CCSER1: variants seen among roughly 807,000 people sequenced by gnomAD.
The protein encoded by CCSER1 is coiled-coil serine rich protein 1, also known as serine-rich coiled-coil domain-containing protein 1.
A neutral mutation model predicts 82.0 loss-of-function variants in CCSER1; 41 were observed. That is an observed-to-expected ratio of 0.50 (90% CI 0.39 to 0.65). The LOEUF is 0.65. Among genes scored for constraint, CCSER1 ranks in the 30% least tolerant of loss-of-function variants. The pLI is 0.00. For synonymous variants in CCSER1, 414 were observed against 383.9 expected (o/e 1.08, Z -0.92); for missense variants, 1,119 against 1,064.2 (o/e 1.05, Z -0.72).
At chr4:91,432,501 A>C (rs1394171200) in intron 10 of CCSER1, among the ~76,000 whole-genome samples, 1 of 152,168 alleles carries the variant, frequency 6.6e-6, no homozygotes, top group Non-Finnish European at 1.5e-5. Context: ...AACAATTTAC[A>C]ATGTACTAGC....
intron 8 of CCSER1, among the ~76,000 whole-genome samples, chr4:90,920,570 C>T (rs558785418): frequency 3.9e-5 from 6 of 151,962 alleles, no homozygotes; most frequent in African/African-American, 1.2e-4. Context: ...AATAGTAATT[C>T]ATTTTTCTGG....
intron 1 of CCSER1, among the ~76,000 whole-genome samples, chr4:90,232,609 C>A (rs1744833936): frequency 7.3e-6 from 1 of 137,728 alleles, no homozygotes; most frequent in South Asian, 2.6e-4. Context: ...CAAGAAAAGC[C>A]AAAATTGACA....
intron 10 of CCSER1, among the ~76,000 whole-genome samples, chr4:91,595,999 A>G (rs1341186339): frequency 2.6e-5 from 4 of 151,834 alleles, no homozygotes; most frequent in African/African-American, 9.6e-5. Context: ...TGTCAAAAAC[A>G]AACTATGCTA....
intron 10 of CCSER1, among the ~76,000 whole-genome samples, chr4:91,584,482 G>GAT: frequency 6.6e-6 from 1 of 151,392 alleles, no homozygotes; most frequent in East Asian, 1.9e-4. Context: ...CTGTGCAGTA[G>GAT]ATCACTTTTA....
intron 3 of CCSER1, among the ~76,000 whole-genome samples, chr4:90,352,983 G>T (rs201411613): frequency 6.6e-6 from 1 of 151,786 alleles, no homozygotes; most frequent in Admixed American, 6.6e-5. Flanking sequence ...AGCTATTTTA[G>T]GAACTGAGGA....
intron 5 of CCSER1, among the ~76,000 whole-genome samples, chr4:90,585,547 A>G (rs1011064346): frequency 2.6e-5 from 4 of 152,188 alleles, no homozygotes; most frequent in African/African-American, 9.7e-5. Flanking sequence ...AAACCTAGCT[A>G]ATTAATATTA....
At chr4:91,111,198 C>T (rs1484807271) in intron 10 of CCSER1, among the ~76,000 whole-genome samples, 2 of 151,780 alleles carry the variant, frequency 1.3e-5, no homozygotes, top group East Asian at 1.9e-4. Context: ...TTAAATTACC[C>T]GTTATCCTTT....
chr4:90,708,557 TA>T (rs1739859494), intron 6 of CCSER1, among the ~76,000 whole-genome samples: 2 of 152,328 alleles, frequency 1.3e-5, no homozygotes, highest in Admixed American at 1.3e-4. Context: ...TTCTTTGTTT[TA>T]TAATTTTATG....
At chr4:91,059,719 C>G (rs563590565) in intron 9 of CCSER1, among the ~76,000 whole-genome samples, 1 of 151,936 alleles carries the variant, frequency 6.6e-6, no homozygotes, top group African/African-American at 2.4e-5. Context: ...CATGTGACCA[C>G]TTCCTAGTTT....
At chr4:90,168,890 A>G (rs1291649062) in intron 1 of CCSER1, among the ~76,000 whole-genome samples, 1 of 150,592 alleles carries the variant, frequency 6.6e-6, no homozygotes, top group Non-Finnish European at 1.5e-5. Context: ...CTTGTAGTAT[A>G]GTTTGAAGTC....
At chr4:90,517,849 A>G (rs1336883335) in intron 5 of CCSER1, among the ~76,000 whole-genome samples, 1 of 152,108 alleles carries the variant, frequency 6.6e-6, no homozygotes, top group Non-Finnish European at 1.5e-5. Context: ...AATATTTTGA[A>G]TCAGGATCTG....
intron 10 of CCSER1, among the ~76,000 whole-genome samples, chr4:91,135,073 A>C (rs1156249384): frequency 6.6e-6 from 1 of 152,028 alleles, no homozygotes; most frequent in African/African-American, 2.4e-5. Context: ...AAAAAAAAAA[A>C]AACTATTCTT....
At chr4:90,583,170 TG>T (rs1327478626) in intron 5 of CCSER1, among the ~76,000 whole-genome samples, 4 of 152,178 alleles carry the variant, frequency 2.6e-5, no homozygotes, top group African/African-American at 9.7e-5. Flanking sequence ...TTTGTGGATA[TG>T]TTTTTTGTTT....
chr4:90,365,589 A>G (rs1746148083), intron 3 of CCSER1, among the ~76,000 whole-genome samples: 1 of 151,840 alleles, frequency 6.6e-6, no homozygotes, highest in Non-Finnish European at 1.5e-5. Context: ...TTGATGCTCA[A>G]AATTAATAGG....
At chr4:90,547,631 T>A (rs1267677815) in intron 5 of CCSER1, among the ~76,000 whole-genome samples, 1 of 152,146 alleles carries the variant, frequency 6.6e-6, no homozygotes, top group African/African-American at 2.4e-5. Context: ...GAATTCTGAA[T>A]TCGAGAAAGC....
intron 9 of CCSER1, among the ~76,000 whole-genome samples, chr4:90,999,006 T>C (rs1477252152): frequency 1.3e-5 from 2 of 152,184 alleles, no homozygotes; most frequent in Non-Finnish European, 2.9e-5. Flanking sequence ...TGTTCCTGTA[T>C]TAATTTATTT....
At chr4:91,056,306 T>TA (rs34672765) in intron 9 of CCSER1, among the ~76,000 whole-genome samples, 5,281 of 149,326 alleles carry the variant, frequency 0.035, 242 homozygotes, top group African/African-American at 0.11. Context: ...GGGTAATTTA[T>TA]AAAAAAAAAG....
intron 10 of CCSER1, among the ~76,000 whole-genome samples, chr4:91,151,238 T>C (rs1339254044): frequency 6.6e-6 from 1 of 152,176 alleles, no homozygotes. Flanking sequence ...TTCTTCTAGA[T>C]TTTCTAGTTT....
At chr4:91,537,731 A>T (rs1307234187) in intron 10 of CCSER1, among the ~76,000 whole-genome samples, 1 of 152,050 alleles carries the variant, frequency 6.6e-6, no homozygotes, top group Non-Finnish European at 1.5e-5. Context: ...ACTTAAAAAA[A>T]TGAATCATAA....
Sources: gnomAD v4.1 joint callset for allele counts (sites outside exome capture counted in the v4.1 genomes callset) on GRCh38, gnomAD v4.1.1 for gene constraint, MANE v1.5 for transcripts, NCBI Gene and HGNC (gene_info 2026-07-23, HGNC 2026-07-21) for gene names.